Variants in NF2 observed in about 807,000 individuals in gnomAD.
The protein encoded by NF2 is merlin.
NF2 carries 8 observed loss-of-function variants against 83.7 expected under a neutral mutation model. The ratio of observed to expected loss-of-function variants is 0.10; its 90% CI spans 0.06 to 0.17. NF2 has a LOEUF of 0.17. NF2 is among the 10% of genes least tolerant of loss of function. The probability of loss-of-function intolerance (pLI) is 1.00; values close to 1 mark genes in which losing one functional copy is unlikely to be tolerated. For synonymous variants in NF2, 266 were observed against 269.6 expected (o/e 0.99, Z 0.13); for missense variants, 533 against 744.4 (o/e 0.72, Z 3.31).
intron 10 of NF2, among the ~76,000 whole-genome samples, chr22:29,670,862 C>G (rs1406674021): frequency 6.6e-6 from 1 of 152,170 alleles, no homozygotes; most frequent in Non-Finnish European, 1.5e-5. Flanking sequence ...TGGCTCCCTC[C>G]TGTCCTAGGC....
chr22:29,666,714 C>G (rs1485414690), intron 9 of NF2, among the ~76,000 whole-genome samples: 2 of 152,124 alleles, frequency 1.3e-5, no homozygotes. Context: ...AGTGGCTCAA[C>G]TCCTGTAATC....
intron 12 of NF2, among the ~76,000 whole-genome samples, chr22:29,673,852 C>G (rs1248296335): frequency 1.3e-5 from 2 of 152,300 alleles, no homozygotes; most frequent in Non-Finnish European, 2.9e-5. Flanking sequence ...AAGTGTGGTT[C>G]TTTTCTGCTT....
In NF2 at chr22:29,671,894, G is replaced by A. The variant is rs2147072928; in HGVS notation, c.1068G>A (p.Leu356=). The part of the protein sequence containing the change: ...REEAERTRDE[L]ERRLLQMKEE... The stretch of plus-strand genomic sequence containing the variant: ...AGGCTGAACGCACGAGGGATGAGTT[G>A]GAGAGGAGGCTGCTGCAGATGAAAG... Residue 356 remains leucine (L), a synonymous_variant, in exon 11 of 16, where the codon TTG becomes TTA. Coordinates refer to ENST00000338641, the MANE Select transcript of NF2 (RefSeq NM_000268.4). The A allele has an allele frequency of 6.2e-7, 1 of 1,614,196 alleles. No homozygotes were observed. The highest frequency in any genetic ancestry group is 8.5e-7 in the Non-Finnish European group (1 of 1,180,036).
chr22:29,678,726 CT>C (rs2067041854), intron 14 of NF2, among the ~76,000 whole-genome samples: 1 of 152,142 alleles, frequency 6.6e-6, no homozygotes, highest in East Asian at 1.9e-4. Context: ...GTTCCCATGT[CT>C]AGAACAAACA....
chr22:29,687,911 G>T (rs918361945), intron 15 of NF2, among the ~76,000 whole-genome samples: 2 of 152,220 alleles, frequency 1.3e-5, no homozygotes, highest in African/African-American at 4.8e-5. Flanking sequence ...TCCGCCTCCT[G>T]GCTCTGTGGA....
intron 13 of NF2, 132 bp from the exon 14 acceptor site, chr22:29,678,061 CGTG>C: frequency 3.8e-6 from 4 of 1,056,836 alleles, no homozygotes; most frequent in Non-Finnish European, 5.9e-6. Flanking sequence ...GATGGGGACT[CGTG>C]GTGGCATTGG....
intron 15 of NF2, chr22:29,683,683 C>T (rs1601671385): frequency 1.9e-6 from 2 of 1,074,758 alleles, no homozygotes; most frequent in Middle Eastern, 4.2e-4. Flanking sequence ...CATCTGTGCT[C>T]AGCCACCTCT....
rs2146894238 is a variant in NF2 at position 29,642,258 on chromosome 22, C to A, written c.420C>A (p.Leu140=). Residue 140 remains leucine (L), a synonymous_variant, in exon 4 of 16, where the codon CTC becomes CTA. Coordinates refer to ENST00000338641, the MANE Select transcript of NF2 (RefSeq NM_000268.4). ...ACTGCCCTCCTGAGGCTTCTGTGCTCCTGGCTTCTTACGCCGTCCAGGCCA... is the reference window on the plus strand; with the variant it reads ...ACTGCCCTCCTGAGGCTTCTGTGCTACTGGCTTCTTACGCCGTCCAGGCCA... ...KIYCPPEASV[L]LASYAVQAKY... is the part of the protein sequence containing the mutation. 6.2e-7 allele frequency: 1 copy of A among 1,614,098 alleles called. No homozygotes were observed. Among genetic ancestry groups the A allele is most frequent in the Non-Finnish European group, 8.5e-7 (1 of 1,179,958 alleles).
chr22:29,698,108 C>T lies in NF2; in HGVS notation c.*3306C>T, dbSNP rs2067604009. Reference sequence around the variant, plus strand: ...GCTGTGTGGCACAGATGGCTTCGTTCATCCTGATCAAGGCCCCACCTCAGC... The same window carrying T: ...GCTGTGTGGCACAGATGGCTTCGTTTATCCTGATCAAGGCCCCACCTCAGC... On this transcript the variant is annotated 3_prime_UTR_variant, in exon 16 of 16. Coordinates refer to ENST00000338641, the MANE Select transcript of NF2 (RefSeq NM_000268.4). The T allele has an allele frequency of 4.3e-6, 1 of 231,392 alleles. No individual in the cohort carries two copies. The highest frequency in any genetic ancestry group is 5.6e-5 in the Admixed American group (1 of 17,702). 14.3% of individuals were successfully genotyped at this position (231,392 alleles called of 1,614,324 possible). A position where few individuals can be genotyped will look rare whatever the true frequency, so the allele number is the denominator to read the frequency against.
intron 1 of NF2, among the ~76,000 whole-genome samples, chr22:29,608,033 C>T (rs1380806662): frequency 1.3e-5 from 2 of 151,114 alleles, no homozygotes; most frequent in Middle Eastern, 3.4e-3. Context: ...ATTAGCCAGG[C>T]GTGGTGGCCG....
intron 15 of NF2, among the ~76,000 whole-genome samples, chr22:29,687,209 C>T (rs545672921): frequency 2.0e-5 from 3 of 152,248 alleles, no homozygotes; most frequent in Admixed American, 6.5e-5. Flanking sequence ...AGGAAATTGA[C>T]GGATGAGAAA....
intron 1 of NF2, among the ~76,000 whole-genome samples, chr22:29,628,513 T>C (rs2065427244): frequency 6.6e-6 from 1 of 151,854 alleles, no homozygotes; most frequent in Admixed American, 6.6e-5. Context: ...ACAGAGATGA[T>C]TGGAGAACTG....
In NF2 at chr22:29,620,375, C is replaced by T. The variant is rs867382164; in HGVS notation, c.114+16263C>T. Among the ~76,000 whole-genome samples the T allele has an allele frequency of 3.9e-5, 6 of 152,246 alleles. No homozygotes were observed. The South Asian group carries it at 8.3e-4, about 21-fold the overall frequency. On this transcript the variant is annotated intron_variant, in intron 1 of 15. Coordinates refer to ENST00000338641, the MANE Select transcript of NF2 (RefSeq NM_000268.4). ...GTTCGAGGCTGCAGTGAGCTATGTT[C>T]GTACCACTGCATGAAGCCTGGGTGA... is the stretch of plus-strand genomic sequence containing the variant.
intron 4 of NF2, among the ~76,000 whole-genome samples, chr22:29,644,416 A>C (rs2065919307): frequency 6.7e-6 from 1 of 149,126 alleles, no homozygotes; most frequent in African/African-American, 2.5e-5. Context: ...GGCTGGGCAG[A>C]GACGCTCCTC....
intron 3 of NF2, among the ~76,000 whole-genome samples, chr22:29,641,403 G>A (rs560515030): frequency 4.5e-4 from 68 of 152,298 alleles, no homozygotes; most frequent in Middle Eastern, 3.4e-3. Flanking sequence ...TGTCTCTTGT[G>A]TGACTGACTT....
intron 10 of NF2, among the ~76,000 whole-genome samples, chr22:29,670,503 T>TTTTGTGTGTG (rs370999091): frequency 7.5e-5 from 11 of 146,444 alleles, no homozygotes; most frequent in African/African-American, 2.6e-4. Flanking sequence ...CTTTTTGAGC[T>TTTTGTGTGTG]TGTGTGTGTG....
chr22:29,614,829 C>A (rs1451110457), intron 1 of NF2, among the ~76,000 whole-genome samples: 1 of 152,084 alleles, frequency 6.6e-6, no homozygotes, highest in African/African-American at 2.4e-5. Flanking sequence ...GGATGGATCA[C>A]TTGAGGCCAG....
intron 1 of NF2, among the ~76,000 whole-genome samples, chr22:29,634,464 G>A (rs1448201072): frequency 6.6e-6 from 1 of 152,196 alleles, no homozygotes; most frequent in Admixed American, 6.5e-5. Context: ...AAACTCCCAT[G>A]TCAGGAAATT....
In NF2 at chr22:29,697,432, G is replaced by A; in HGVS notation, c.*2630G>A. On this transcript the variant is annotated 3_prime_UTR_variant, in exon 16 of 16. Coordinates refer to ENST00000338641, the MANE Select transcript of NF2 (RefSeq NM_000268.4). Reference sequence around the variant, plus strand: ...CCCTCCTTGAGGCAGGAATACTGAGGTGCCTCCCCACAGATGGAGAAGGTG... The same window carrying A: ...CCCTCCTTGAGGCAGGAATACTGAGATGCCTCCCCACAGATGGAGAAGGTG... 1 of 190,828 alleles carries A rather than the reference G, an allele frequency of 5.2e-6. No homozygotes were observed. The allele number at this position is 190,828 out of a possible 1,614,324, so 11.8% of individuals were successfully genotyped here. A position where few individuals can be genotyped will look rare whatever the true frequency, so the allele number is the denominator to read the frequency against.
Sources: gnomAD v4.1 joint callset for allele counts (sites outside exome capture counted in the v4.1 genomes callset) on GRCh38, gnomAD v4.1.1 for gene constraint, MANE v1.5 for transcripts, NCBI Gene and HGNC (gene_info 2026-07-23, HGNC 2026-07-21) for gene names.